The following UNC80 variants were observed in gnomAD, a reference collection of about 807,000 sequenced individuals.
UNC80 encodes protein unc-80 homolog.
UNC80 carries 164 observed loss-of-function variants against 384.6 expected under a neutral mutation model. The ratio of observed to expected loss-of-function variants is 0.43; its 90% CI spans 0.38 to 0.49. The LOEUF is 0.49. Ranked by LOEUF, UNC80 falls within the 20% of genes least tolerant of loss-of-function variation. UNC80 has a pLI of 0.00. For missense variants in UNC80, 3,330 were observed against 4,143.0 expected (o/e 0.80, Z 5.39); for synonymous variants, 1,486 against 1,527.8 (o/e 0.97, Z 0.64).
At chr2:209,953,189 G>A (rs555206137) in intron 47 of UNC80, among the ~76,000 whole-genome samples, 142 of 152,054 alleles carry the variant, frequency 9.3e-4, no homozygotes, top group African/African-American at 2.9e-3. Context: ...AGGCTGAGGC[G>A]GGAAGATTGC....
intron 29 of UNC80, among the ~76,000 whole-genome samples, chr2:209,908,522 T>C (rs1243638847): frequency 6.6e-6 from 1 of 152,232 alleles, no homozygotes; most frequent in Admixed American, 6.5e-5. Flanking sequence ...ATGTTATAAA[T>C]AGGATAAATG....
At chr2:209,949,892 A>G (rs1028702845) in intron 47 of UNC80, among the ~76,000 whole-genome samples, 12 of 151,954 alleles carry the variant, frequency 7.9e-5, no homozygotes, top group Admixed American at 4.6e-4. Context: ...CAGTGTCACA[A>G]TCATGGCCCA....
At chr2:209,978,858 A>G (rs1298096344) in intron 59 of UNC80, 150 bp downstream of exon 59, 6 of 697,352 alleles carry the variant, frequency 8.6e-6, no homozygotes, top group South Asian at 7.9e-5. Flanking sequence ...GACTGATTCC[A>G]TGATTCCTAA....
chr2:209,929,357 C>T (rs1287386542), intron 36 of UNC80, among the ~76,000 whole-genome samples: 3 of 152,040 alleles, frequency 2.0e-5, no homozygotes, highest in African/African-American at 4.8e-5. Flanking sequence ...AAGACTTCTT[C>T]GTTAGAAGTG....
chr2:209,915,459 T>C (rs1156265758), intron 31 of UNC80, among the ~76,000 whole-genome samples: 1 of 151,164 alleles, frequency 6.6e-6, no homozygotes. Context: ...GCACTGGGCT[T>C]TTTGGAAAGC....
At chr2:209,901,878 G>A (rs544547299) in intron 28 of UNC80, among the ~76,000 whole-genome samples, 81 of 151,796 alleles carry the variant, frequency 5.3e-4, no homozygotes, top group African/African-American at 1.9e-3. Flanking sequence ...GCAGTGAGCC[G>A]AGATCGCGCC....
intron 14 of UNC80, among the ~76,000 whole-genome samples, chr2:209,828,833 A>G (rs939699518): frequency 2.0e-5 from 3 of 152,136 alleles, no homozygotes; most frequent in Non-Finnish European, 2.9e-5. Context: ...ATAGTGTGGC[A>G]TGCATCTTCC....
chr2:209,941,361 C>T lies in UNC80; in HGVS notation c.6787C>T (p.Leu2263=), dbSNP rs1051628979. The change falls in exon 44 of 65, where the codon CTG becomes TTG. Residue 2263 remains leucine (L), a synonymous_variant. Coordinates refer to ENST00000673920, the MANE Select transcript of UNC80 (RefSeq NM_001371986.1). ...MLFLNVFNGA[L]ILHPEDSALL... is the part of the protein sequence containing the mutation. ...TTTCCTCAACGTTTTTAACGGGGCT[C>T]TGATCCTCCACCCGGAAGACAGTGC... The T allele has an allele frequency of 1.2e-5, 19 of 1,551,246 alleles. No homozygotes were observed. The highest frequency in any genetic ancestry group is 4.1e-5 in the African/African-American group (3 of 73,030).
chr2:209,902,904 CGTGTGTGTGTGTGTGT>C (rs56102642), intron 28 of UNC80, among the ~76,000 whole-genome samples: 19 of 141,214 alleles, frequency 1.3e-4, no homozygotes, highest in African/African-American at 3.1e-4. Flanking sequence ...CCTGTATACA[CGTGTGTGTGTGTGTGT>C]GTGTGTGTGT....
intron 21 of UNC80, among the ~76,000 whole-genome samples, chr2:209,846,658 AC>A (rs1482734264): frequency 2.0e-5 from 3 of 152,142 alleles, no homozygotes; most frequent in African/African-American, 7.2e-5. Flanking sequence ...TTATAATTAC[AC>A]CTCAATATAC....
intron 47 of UNC80, among the ~76,000 whole-genome samples, chr2:209,946,993 T>C (rs1198170658): frequency 6.6e-6 from 1 of 152,150 alleles, no homozygotes; most frequent in African/African-American, 2.4e-5. Flanking sequence ...ATTTTTGTCT[T>C]CTGGAGCAAT....
chr2:209,835,406 C>A (rs558687267), intron 18 of UNC80, among the ~76,000 whole-genome samples: 16 of 152,182 alleles, frequency 1.1e-4, no homozygotes, highest in African/African-American at 3.9e-4. Flanking sequence ...AAGCTTTTCC[C>A]AAAATAAGTA....
chr2:209,844,251 T>C (rs972893285), intron 21 of UNC80, among the ~76,000 whole-genome samples: 1 of 152,192 alleles, frequency 6.6e-6, no homozygotes, highest in Non-Finnish European at 1.5e-5. Context: ...TGGATGTCAT[T>C]TGACTGGAGC....
In UNC80 at chr2:209,775,976, C is replaced by T. The variant is rs1400774277; in HGVS notation, c.229C>T (p.Leu77=). ...EAIQSISRWE[L]VQAALPHVLH... ...CATCCAGAGCATTTCCAGATGGGAA[C>T]TGGTGCAAGCTGCTTTGCCTCATGT... The change falls in exon 3 of 65, where the codon CTG becomes TTG. Residue 77 remains leucine (L), a synonymous_variant. Coordinates refer to ENST00000673920, the MANE Select transcript of UNC80 (RefSeq NM_001371986.1). 6.2e-7 allele frequency: 1 copy of T among 1,614,208 alleles called. No homozygotes were observed.
At chr2:209,929,033 G>A (rs2124962964) in intron 36 of UNC80, among the ~76,000 whole-genome samples, 1 of 152,292 alleles carries the variant, frequency 6.6e-6, no homozygotes, top group African/African-American at 2.4e-5. Flanking sequence ...AGAGACACAT[G>A]AAAGCTACAG....
chr2:209,915,913 T>G (rs185943700), intron 31 of UNC80, among the ~76,000 whole-genome samples: 19 of 152,302 alleles, frequency 1.2e-4, no homozygotes, highest in African/African-American at 4.6e-4. Context: ...TAATAAGTAC[T>G]CAAGGTGGTG....
intron 7 of UNC80, among the ~76,000 whole-genome samples, chr2:209,794,443 G>A (rs949048368): frequency 2.0e-5 from 3 of 152,134 alleles, no homozygotes; most frequent in African/African-American, 7.2e-5. Context: ...GAGACTATCT[G>A]TATATCCCTA....
intron 7 of UNC80, among the ~76,000 whole-genome samples, chr2:209,801,024 A>G (rs1039845346): frequency 3.3e-5 from 5 of 152,172 alleles, no homozygotes; most frequent in African/African-American, 1.2e-4. Flanking sequence ...AAGAATGAAT[A>G]TTCTGTTGAC....
At position 209,982,301 on chromosome 2, in the gene UNC80, A is replaced by G. The variant is rs1439063604; in HGVS notation, c.9241A>G (p.Met3081Val). The G allele has an allele frequency of 6.4e-7, 1 of 1,551,356 alleles. No homozygotes were observed. The change falls in exon 60 of 65, where the codon ATG (methionine) becomes GTG (valine). Residue 3081 changes from methionine to valine, a missense_variant. Transcript: ENST00000673920. Reference protein sequence around the residue: ...SMSVPQAEVGMLPSQSEPNVL... With the variant: ...SMSVPQAEVGVLPSQSEPNVL... ...GTCTGTACCTCAGGCTGAGGTGGGC[A>G]TGCTACCCAGCCAGAGGTAAACAGC... is the stretch of plus-strand genomic sequence containing the variant.
Sources: allele counts gnomAD v4.1 joint callset (sites outside exome capture counted in the v4.1 genomes callset), GRCh38; gene constraint gnomAD v4.1.1; transcripts MANE v1.5; gene names NCBI Gene and HGNC (gene_info 2026-07-23, HGNC 2026-07-21).